The following MYH15 variants were observed in gnomAD, a reference collection of about 807,000 sequenced individuals.
MYH15 encodes myosin-15.
In MYH15, 227 loss-of-function variants were observed where a neutral mutation model predicts 240.5. The ratio of observed to expected loss-of-function variants is 0.94; its 90% CI spans 0.85 to 1.05. MYH15 has a LOEUF of 1.05. Among genes scored for constraint, MYH15 ranks in the 50% least tolerant of loss-of-function variants. The pLI, the probability that MYH15 is intolerant of heterozygous loss-of-function variation, is 0.00. For missense variants in MYH15, 2,217 were observed against 2,247.5 expected (o/e 0.99, Z 0.27); for synonymous variants, 785 against 796.7 (o/e 0.99, Z 0.25).
chr3:108,445,873 T>TA (rs1480727866), intron 21 of MYH15, among the ~76,000 whole-genome samples: 6 of 151,668 alleles, frequency 4.0e-5, no homozygotes, highest in Admixed American at 3.9e-4. Flanking sequence ...TGTCTAAAAC[T>TA]AAAAAACATA....
intron 7 of MYH15, among the ~76,000 whole-genome samples, chr3:108,494,855 C>G (rs2083379086): frequency 6.6e-6 from 1 of 152,048 alleles, no homozygotes. Flanking sequence ...TGTCTTTCTT[C>G]TTTCCTTTTT....
In MYH15 at chr3:108,454,112, G is replaced by T; in HGVS notation, c.2293C>A (p.Leu765Met). ...AGTCTCTCATCTCTTATTGCTTCCAGTTGGCCCAGAAACCCAGCTTTAAAA... is the reference window on the plus strand; with the variant it reads ...AGTCTCTCATCTCTTATTGCTTCCATTTGGCCCAGAAACCCAGCTTTAAAA... ...VFFKAGFLGQ[L>M]EAIRDERLSK... The change falls in exon 21 of 41, where the codon CTG becomes ATG. Residue 765 changes from leucine to methionine, a missense_variant. Leu to Met is a conservative substitution (Grantham distance 15, BLOSUM62 2). Transcript: ENST00000693548. The T allele has an allele frequency of 6.2e-7, 1 of 1,611,034 alleles. No individual in the cohort carries two copies. Among genetic ancestry groups the T allele is most frequent in the Non-Finnish European group, 8.5e-7 (1 of 1,177,914 alleles).
chr3:108,421,259 C>T lies in MYH15; in HGVS notation c.3703-45G>A, dbSNP rs1367781465. On this transcript the variant is annotated intron_variant, in intron 27 of 40. Transcript: ENST00000693548. ...GGCTGGTCAGGGCTCACAGAGGATA[C>T]TCTGAATCAGCTGCACAAAGGAAGA... is the stretch of plus-strand genomic sequence containing the variant. The T allele has an allele frequency of 3.8e-6, 6 of 1,594,352 alleles. No homozygotes were observed. The East Asian group carries it at 9.0e-5, about 24-fold the overall frequency.
chr3:108,470,225 G>C lies in MYH15; in HGVS notation c.1384-13C>G, dbSNP rs1211197565. The C allele has an allele frequency of 1.1e-5, 17 of 1,552,586 alleles. No homozygotes were observed. The highest frequency in any genetic ancestry group is 1.4e-5 in the Non-Finnish European group (16 of 1,148,634). On this transcript the variant is annotated splice_polypyrimidine_tract_variant and intron_variant, in intron 13 of 40. Coordinates refer to ENST00000693548, the MANE Select transcript of MYH15 (RefSeq NM_014981.3). Reference sequence around the variant, plus strand: ...CAAGGCTATTATACTTCAAGGATATGAATAGGTAAGAAGAAGAGATAAAAA... The same window carrying C: ...CAAGGCTATTATACTTCAAGGATATCAATAGGTAAGAAGAAGAGATAAAAA...
chr3:108,455,479 T>C (rs1365398420), intron 20 of MYH15, among the ~76,000 whole-genome samples: 1 of 152,236 alleles, frequency 6.6e-6, no homozygotes, highest in African/African-American at 2.4e-5. Context: ...GTTGATTCAG[T>C]ATTTTATATC....
At chr3:108,399,042 C>G in intron 34 of MYH15, 33 bp downstream of exon 34, 2 of 1,590,820 alleles carry the variant, frequency 1.3e-6, no homozygotes, top group Non-Finnish European at 1.7e-6. Context: ...CATTTTCCAC[C>G]CCTCCCTACC....
At chr3:108,468,475 A>G (rs1415831462) in intron 14 of MYH15, among the ~76,000 whole-genome samples, 1 of 152,252 alleles carries the variant, frequency 6.6e-6, no homozygotes, top group Non-Finnish European at 1.5e-5. Flanking sequence ...TTCTTCAGAT[A>G]GCCCCAACGA....
At chr3:108,507,742 T>C (rs2083489407) in intron 1 of MYH15, among the ~76,000 whole-genome samples, 2 of 152,212 alleles carry the variant, frequency 1.3e-5, no homozygotes, top group Admixed American at 1.3e-4. Flanking sequence ...ATCTAGCTGA[T>C]TGTGCATTTG....
At chr3:108,450,768 C>T (rs1462160551) in intron 21 of MYH15, among the ~76,000 whole-genome samples, 1 of 151,974 alleles carries the variant, frequency 6.6e-6, no homozygotes, top group African/African-American at 2.4e-5. Flanking sequence ...AATCATTTCA[C>T]AATACCTACA....
the MYH15 span, among the ~76,000 whole-genome samples, chr3:108,546,336 T>C: frequency 1.3e-5 from 2 of 152,192 alleles, no homozygotes; most frequent in African/African-American, 2.4e-5. Context: ...CTCTAATACA[T>C]TATATCTTTT....
chr3:108,470,332 A>G (rs1369221866), intron 13 of MYH15, 120 bp from the exon 14 acceptor site: 1 of 650,318 alleles, frequency 1.5e-6, no homozygotes, highest in African/African-American at 1.9e-5. Context: ...AGACCCAACA[A>G]GTAACAAATG....
At position 108,384,767 on chromosome 3, in the gene MYH15, T is replaced by C; in HGVS notation, c.5551A>G (p.Lys1851Glu). Residue 1851 changes from lysine (K) to glutamate (E), a missense_variant, in exon 39 of 41, where the codon AAG (lysine) becomes GAG (glutamate). Lys to Glu is a moderately conservative substitution (Grantham distance 56). Transcript: ENST00000693548. ...TGAGTTTGCATCCTGCTCAGATTCT[T>C]CTTGTCTTCCTCTGCCTGCAATACA... The part of the protein sequence containing the change: ...ELTYQAEEDK[K>E]NLSRMQTQMD... 6.2e-7 allele frequency: 1 copy of C among 1,613,764 alleles called. No individual in the cohort carries two copies. The highest frequency in any genetic ancestry group is 2.2e-5 in the East Asian group (1 of 44,878).
intron 1 of MYH15, among the ~76,000 whole-genome samples, chr3:108,524,580 CA>C (rs1383644566): frequency 1.3e-5 from 2 of 151,780 alleles, no homozygotes; most frequent in Non-Finnish European, 2.9e-5. Flanking sequence ...TATAACTTAA[CA>C]TTTTTTTTGG....
At chr3:108,546,117 G>A in the MYH15 span, among the ~76,000 whole-genome samples, 1 of 152,194 alleles carries the variant, frequency 6.6e-6, no homozygotes, top group Non-Finnish European at 1.5e-5. Flanking sequence ...ACACACAAAG[G>A]GGTTGGGATC....
Position 108,456,876 on chromosome 3 carries a change from C to T in MYH15, c.2028G>A (p.Leu676=). 6.2e-7 allele frequency: 1 copy of T among 1,605,666 alleles called. No individual in the cohort carries two copies. The highest frequency in any genetic ancestry group is 8.5e-7 in the Non-Finnish European group (1 of 1,174,550). ...ACTGCTGTAGAACCAAGTAAGGGTC[C>T]AGTATACCTGGAAAAAAAAAAGAGT... ...NPNVNKIPGI[L]DPYLVLQQLR... Residue 676 remains leucine (L), a synonymous_variant, in exon 19 of 41, where the codon CTG becomes CTA. Coordinates refer to ENST00000693548, the MANE Select transcript of MYH15 (RefSeq NM_014981.3).
upstream of MYH15, chr3:108,529,443 G>A (rs2083697661): frequency 7.4e-6 from 4 of 539,000 alleles, no homozygotes; most frequent in South Asian, 2.9e-5. Flanking sequence ...ATTGTGCTTG[G>A]GACAGGGAAA....
intron 27 of MYH15, among the ~76,000 whole-genome samples, chr3:108,424,102 G>A (rs1019583556): frequency 2.6e-5 from 4 of 152,202 alleles, no homozygotes; most frequent in Admixed American, 6.5e-5. Flanking sequence ...GAAAAAGCAC[G>A]GATCTCTACA....
chr3:108,468,552 C>T (rs2083142205), intron 14 of MYH15, among the ~76,000 whole-genome samples: 1 of 152,164 alleles, frequency 6.6e-6, no homozygotes, highest in Non-Finnish European at 1.5e-5. Flanking sequence ...ATTTGCCTGA[C>T]CTGGATCCTG....
Position 108,389,048 on chromosome 3 carries a change from C to A in MYH15, c.5457G>T (p.Glu1819Asp), listed in dbSNP as rs2082404701. Residue 1819 changes from glutamate to aspartate, a missense_variant, in exon 38 of 41, where the codon GAG becomes GAT. Coordinates refer to ENST00000693548, the MANE Select transcript of MYH15 (RefSeq NM_014981.3). ...SRVRELEGEL[E>D]GEIRRSAEAQ... ...CCTCTGCACTGCGACGGATTTCACC[C>A]TCCAGTTCACCTTCCAGTTCACGAA... is the stretch of plus-strand genomic sequence containing the variant. 1 of 1,613,990 alleles carries A rather than the reference C, an allele frequency of 6.2e-7. No homozygotes were observed. Among genetic ancestry groups the A allele is most frequent in the Middle Eastern group, 1.6e-4 (1 of 6,062 alleles).
Sources: gnomAD v4.1 joint callset for allele counts (sites outside exome capture counted in the v4.1 genomes callset) on GRCh38, gnomAD v4.1.1 for gene constraint, MANE v1.5 for transcripts, NCBI Gene and HGNC (gene_info 2026-07-23, HGNC 2026-07-21) for gene names.